Variants in PDHA1 observed in about 807,000 individuals in gnomAD.
PDHA1 encodes pyruvate dehydrogenase E1 subunit alpha 1, also known as pyruvate dehydrogenase E1 component subunit alpha, somatic form, mitochondrial.
PDHA1 carries 1 observed loss-of-function variant against 33.0 expected under a neutral mutation model. That is an observed-to-expected ratio of 0.03 (90% CI 0.01 to 0.14). The LOEUF (loss-of-function observed/expected upper bound fraction) is 0.14, where lower values mean the gene tolerates loss of function less well. PDHA1 is among the 10% of genes least tolerant of loss of function. The pLI is 1.00. For synonymous variants in PDHA1, 123 were observed against 119.2 expected, an observed-to-expected ratio of 1.03 and a Z score of -0.21; for missense variants, 168 against 325.1, an observed-to-expected ratio of 0.52 and a Z score of 3.72.
intron 10 of PDHA1, 37 bp from the exon 11 acceptor site, chrX:19,359,452 C>CATTCTAAAACCTTTTACACTGTTACCT (rs2063243033): frequency 1.7e-6 from 2 of 1,152,795 alleles, no homozygotes; most frequent in Admixed American, 2.2e-5. Flanking sequence ...AGCTGCTGTT[C>CATTCTAAAACCTTTTACACTGTTACCT]ATTCTAAAAC....
intron 1 of PDHA1, among the ~76,000 whole-genome samples, chrX:19,347,078 T>G (rs2147172263): frequency 9.0e-6 from 1 of 111,298 alleles, no homozygotes; most frequent in South Asian, 3.8e-4. Context: ...TTTATTTTTG[T>G]AGAGATGAGA....
rs777682163 is a variant in PDHA1, at chrX:19,361,181, T to TGGCTTTCAGTTTCTGCCC, written c.*1529_*1546dup. The stretch of plus-strand genomic sequence containing the variant: ...CACATTCCTATTTCTGACTTCTGCC[T>TGGCTTTCAGTTTCTGCCC]GGCTTTCAGTTTCTGCCCCACCTTG... On this transcript the variant is annotated 3_prime_UTR_variant, in exon 11 of 11. Coordinates refer to ENST00000422285, the MANE Select transcript of PDHA1 (RefSeq NM_000284.4). The TGGCTTTCAGTTTCTGCCC allele has an allele frequency of 1.0e-4, 46 of 452,554 alleles. 1 individual carries two copies. In the East Asian group the frequency reaches 1.8e-3, roughly 17 times the overall value. The allele number at this position is 452,554 out of a possible 1,213,427, so 37.3% of individuals were successfully genotyped here. A position where few individuals can be genotyped will look rare whatever the true frequency, so the allele number is the denominator to read the frequency against.
At chrX:19,355,793 A>C in intron 8 of PDHA1, 36 bp downstream of exon 8, 1 of 1,058,549 alleles carries the variant, frequency 9.4e-7, no homozygotes. Context: ...AGTGACATTT[A>C]TCTCTGGAAG....
chrX:19,355,217 A>ATGT, intron 6 of PDHA1, 132 bp from the exon 7 acceptor site: 1 of 778,711 alleles, frequency 1.3e-6, no homozygotes, highest in South Asian at 2.1e-5. Context: ...CACCACCCAA[A>ATGT]GCTCGGTTTT....
intron 3 of PDHA1, 42 bp downstream of exon 3, chrX:19,350,152 T>A: frequency 1.0e-6 from 1 of 985,758 alleles, no homozygotes; most frequent in Non-Finnish European, 1.5e-6. Flanking sequence ...ATTTAGGTAC[T>A]GAAGTATGGC....
Position 19,361,232 on chromosome X carries a change from G to A in PDHA1, c.*1579G>A, listed in dbSNP as rs995354840. 4 of 644,930 alleles carry A rather than the reference G, an allele frequency of 6.2e-6. No homozygotes were observed. The African/African-American group carries it at 8.9e-5, about 14-fold the overall frequency. 53.1% of individuals were successfully genotyped at this position (644,930 alleles called of 1,213,427 possible). A position where few individuals can be genotyped will look rare whatever the true frequency, so the allele number is the denominator to read the frequency against. ...GCTTTTTCCCAGCTTGAACCTAATA[G>A]AACTCCAGAGTTTGGGGGGAGGCCC... is the stretch of plus-strand genomic sequence containing the variant. On this transcript the variant is annotated 3_prime_UTR_variant, in exon 11 of 11. Transcript: ENST00000422285.
chrX:19,347,022 C>G (rs1162811064), intron 1 of PDHA1, among the ~76,000 whole-genome samples: 1 of 109,883 alleles, frequency 9.1e-6, no homozygotes, highest in Non-Finnish European at 1.9e-5. Flanking sequence ...TCATAGCTCA[C>G]TGTAGCCTCA....
chrX:19,360,613 C>A lies in PDHA1; in HGVS notation c.*960C>A. 2.1e-6 allele frequency: 1 copy of A among 482,376 alleles called. No individual in the cohort carries two copies. The allele number at this position is 482,376 out of a possible 1,213,427, so 39.8% of individuals were successfully genotyped here. ...AAGAAACTCAGGACAGTATTTAAAACAAGTTCTTAAACTATTAATTGAACA... is the reference window on the plus strand; with the variant it reads ...AAGAAACTCAGGACAGTATTTAAAAAAAGTTCTTAAACTATTAATTGAACA... On this transcript the variant is annotated 3_prime_UTR_variant, in exon 11 of 11. Coordinates refer to ENST00000422285, the MANE Select transcript of PDHA1 (RefSeq NM_000284.4).
At chrX:19,349,061 T>A (rs1404094596) in intron 1 of PDHA1, among the ~76,000 whole-genome samples, 1 of 111,969 alleles carries the variant, frequency 8.9e-6, no homozygotes, top group East Asian at 2.8e-4. Flanking sequence ...AAAGGATGGG[T>A]TTGTTTTTTG....
chrX:19,346,347 G>T lies in PDHA1; in HGVS notation c.57+2253G>T, dbSNP rs772631554. 3.6e-5 allele frequency among the ~76,000 whole-genome samples: 4 copies of T among 112,176 alleles called. No individual in the cohort carries two copies. In the East Asian group the frequency reaches 1.1e-3, roughly 31 times the overall value. On this transcript the variant is annotated intron_variant, in intron 1 of 10. Coordinates refer to ENST00000422285, the MANE Select transcript of PDHA1 (RefSeq NM_000284.4). The stretch of plus-strand genomic sequence containing the variant: ...TTACTTTCGTTTTGTTTGAGACAGG[G>T]TCTCTGTGTCACCCAGGCTGGAGTG...
In PDHA1 at chrX:19,351,617, A is replaced by G; in HGVS notation, c.418+210A>G. 7.6e-6 allele frequency: 3 copies of G among 395,975 alleles called. No homozygotes were observed. In the South Asian group the frequency reaches 1.4e-4, roughly 19 times the overall value. The allele number at this position is 395,975 out of a possible 1,213,427, so 32.6% of individuals were successfully genotyped here. A position where few individuals can be genotyped will look rare whatever the true frequency, so the allele number is the denominator to read the frequency against. ...GGCCCCTCAGGTAAAAGTTTAAAACAGGTTGGTGCTATAAAATCACAGTAG... is the reference window on the plus strand; with the variant it reads ...GGCCCCTCAGGTAAAAGTTTAAAACGGGTTGGTGCTATAAAATCACAGTAG... On this transcript the variant is annotated intron_variant, in intron 4 of 10. Coordinates refer to ENST00000422285, the MANE Select transcript of PDHA1 (RefSeq NM_000284.4).
In PDHA1 at chrX:19,343,951, C is replaced by A; in HGVS notation, c.-87C>A. ...CGGTGCGACTGAGGCGTGGCGTCTG[C>A]TGGGGCACCTGAAGGAGACTTGGGG... is the stretch of plus-strand genomic sequence containing the variant. On this transcript the variant is annotated 5_prime_UTR_variant, in exon 1 of 11. In the 5' UTR this introduces an upstream ATG that the reference lacks. Coordinates refer to ENST00000422285, the MANE Select transcript of PDHA1 (RefSeq NM_000284.4). 1 of 860,299 alleles carries A rather than the reference C, an allele frequency of 1.2e-6. No homozygotes were observed. The highest frequency in any genetic ancestry group is 1.7e-6 in the Non-Finnish European group (1 of 584,862). 70.9% of individuals were successfully genotyped at this position (860,299 alleles called of 1,213,427 possible).
In PDHA1 at chrX:19,359,886, A is replaced by G. The variant is rs566285470; in HGVS notation, c.*233A>G. On this transcript the variant is annotated 3_prime_UTR_variant, in exon 11 of 11. Transcript: ENST00000422285. ...GACTTAAAATAGTATACTTTGAACA[A>G]ATACTCTAATTATGAAAAGGAAGAA... is the stretch of plus-strand genomic sequence containing the variant. 3.1e-5 allele frequency: 13 copies of G among 417,167 alleles called. No individual in the cohort carries two copies. The highest frequency in any genetic ancestry group is 1.7e-4 in the African/African-American group (7 of 40,813). 34.4% of individuals were successfully genotyped at this position (417,167 alleles called of 1,213,427 possible).
intron 5 of PDHA1, 76 bp downstream of exon 5, chrX:19,353,249 G>C (rs1209389897): frequency 3.7e-6 from 3 of 807,300 alleles, no homozygotes; most frequent in Non-Finnish European, 5.7e-6. Context: ...CACAGCCCCA[G>C]ACAACTTTTC....
Position 19,349,979 on chromosome X carries a change from A to G in PDHA1, c.160A>G (p.Thr54Ala). The G allele has an allele frequency of 1.7e-6, 2 of 1,206,771 alleles. No individual in the cohort carries two copies. The highest frequency in any genetic ancestry group is 2.2e-5 in the Admixed American group (1 of 46,071). The stretch of plus-strand genomic sequence containing the variant: ...GCTGGAAGAAGGCCCTCCTGTCACA[A>G]CAGTGCTCACCAGGGAGGATGGGCT... ...HRLEEGPPVT[T>A]VLTREDGLKY... The change falls in exon 3 of 11, where the codon ACA (threonine) becomes GCA (alanine). Residue 54 changes from threonine (T) to alanine (A), a missense_variant. Thr to Ala is a moderately conservative substitution (Grantham distance 58). Transcript: ENST00000422285.
intron 5 of PDHA1, among the ~76,000 whole-genome samples, chrX:19,353,704 G>A (rs1333149711): frequency 9.0e-6 from 1 of 111,706 alleles, no homozygotes; most frequent in African/African-American, 3.3e-5. Flanking sequence ...GATTTATAAT[G>A]TTTCCTTTTA....
At chrX:19,352,708 T>A (rs1179580188) in intron 4 of PDHA1, 1 of 206,603 alleles carries the variant, frequency 4.8e-6, no homozygotes, top group Non-Finnish European at 8.9e-6. Context: ...TGAAAAAAAA[T>A]CTGTGTATAA....
intron 2 of PDHA1, among the ~76,000 whole-genome samples, chrX:19,349,702 T>C (rs2063153459): frequency 8.9e-6 from 1 of 112,493 alleles, no homozygotes; most frequent in Non-Finnish European, 1.9e-5. Context: ...CTCAGTTGGC[T>C]TCTAGGGGCT....
chrX:19,355,896 G>T, intron 8 of PDHA1, 139 bp downstream of exon 8: 1 of 525,765 alleles, frequency 1.9e-6, no homozygotes, highest in Non-Finnish European at 3.3e-6. Flanking sequence ...AGGGAGCAGG[G>T]CTCCTTTGGG....
Sources: gnomAD v4.1 joint callset for allele counts (sites outside exome capture counted in the v4.1 genomes callset) on GRCh38, gnomAD v4.1.1 for gene constraint, MANE v1.5 for transcripts, NCBI Gene and HGNC (gene_info 2026-07-23, HGNC 2026-07-21) for gene names.